Variants in SETDB1 observed in about 807,000 individuals in gnomAD.
SETDB1 encodes the protein SET domain bifurcated histone lysine methyltransferase 1, also known as histone-lysine N-methyltransferase SETDB1.
A neutral mutation model predicts 137.4 loss-of-function variants in SETDB1; 31 were observed. That is an observed-to-expected ratio of 0.23 (90% CI 0.17 to 0.30). SETDB1 has a LOEUF of 0.30. Ranked by LOEUF, SETDB1 falls within the 10% of genes least tolerant of loss-of-function variation. The pLI is 1.00. For missense variants in SETDB1, 1,113 were observed against 1,631.5 expected (o/e 0.68, Z 5.47); for synonymous variants, 548 against 579.9 (o/e 0.95, Z 0.79).
At chr1:150,962,005 AC>A in intron 16 of SETDB1, 124 bp from the exon 17 acceptor site, 1 of 1,152,046 alleles carries the variant, frequency 8.7e-7, no homozygotes, top group Non-Finnish European at 1.3e-6. Context: ...TGGTTTACCC[AC>A]CCCACTTTAG....
At position 150,964,705 on chromosome 1, in the gene SETDB1, C is replaced by T; in HGVS notation, c.*341C>T. ...CTACTATCTCCAGTTTGTATTATTT[C>T]TTGAAAGTCTTTTAACAATATGATA... On this transcript the variant is annotated 3_prime_UTR_variant, in exon 22 of 22. Coordinates refer to ENST00000692827, the MANE Select transcript of SETDB1 (RefSeq NM_001366418.1). The T allele has an allele frequency of 1.7e-6, 1 of 584,676 alleles. No homozygotes were observed. The allele number at this position is 584,676 out of a possible 1,614,324, so 36.2% of individuals were successfully genotyped here.
In SETDB1 at chr1:150,949,390, A is replaced by G; in HGVS notation, c.1448A>G (p.Gln483Arg). The change falls in exon 12 of 22, where the codon CAG (glutamine) becomes CGG (arginine). Residue 483 changes from glutamine to arginine, a missense_variant. By Grantham distance (43) the Gln-to-Arg change is conservative. Around this residue, in one of 11 missense-constraint regions of SETDB1, gnomAD observed 192 missense variants for 198.1 expected, o/e 0.97. Transcript: ENST00000692827. ...AGAAGCTTGGAAAGCCAGCTTGCCC[A>G]GTCACGGAAGCAGGTAGCCAAAAAG... The part of the protein sequence containing the change: ...DSESLESQLA[Q>R]SRKQVAKKST... The G allele has an allele frequency of 6.2e-7, 1 of 1,614,214 alleles. No homozygotes were observed. Among genetic ancestry groups the G allele is most frequent in the Non-Finnish European group, 8.5e-7 (1 of 1,180,042 alleles).
At position 150,941,474 on chromosome 1, in the gene SETDB1, A is replaced by T. The variant is rs370614956; in HGVS notation, c.547+46A>T. 3.1e-5 allele frequency: 36 copies of T among 1,179,174 alleles called. No individual in the cohort carries two copies. The African/African-American group carries it at 4.8e-4, about 16-fold the overall frequency. The allele number at this position is 1,179,174 out of a possible 1,614,324, so 73.0% of individuals were successfully genotyped here. On this transcript the variant is annotated intron_variant, in intron 5 of 21. Coordinates refer to ENST00000692827, the MANE Select transcript of SETDB1 (RefSeq NM_001366418.1). ...GGGTACAGATGGGAGGTGAATTCTT[A>T]CAGAGATTTTGTCTTAAGTCTTATG...
chr1:150,938,402 T>C (rs922296750), intron 3 of SETDB1, among the ~76,000 whole-genome samples: 1 of 152,096 alleles, frequency 6.6e-6, no homozygotes, highest in Non-Finnish European at 1.5e-5. Context: ...ATGACTGCTA[T>C]AGGTATGAGG....
Position 150,949,534 on chromosome 1 carries a change from A to C in SETDB1, c.1583+9A>C, listed in dbSNP as rs1240825680. On this transcript the variant is annotated intron_variant, in intron 12 of 21. Transcript: ENST00000692827. The stretch of plus-strand genomic sequence containing the variant: ...ATCAACCAGACATATAGGTGAGAAA[A>C]TCTGAGGCTCTCTGTAGGCAGGATA... The C allele has an allele frequency of 3.5e-5, 56 of 1,613,458 alleles. No homozygotes were observed. In the Admixed American group the frequency reaches 9.3e-4, roughly 27 times the overall value.
intron 2 of SETDB1, among the ~76,000 whole-genome samples, chr1:150,929,539 C>T (rs587598810): frequency 9.6e-4 from 145 of 151,814 alleles, no homozygotes; most frequent in African/African-American, 3.3e-3. Flanking sequence ...CCACCACACC[C>T]GGCTAATTTT....
intron 14 of SETDB1, among the ~76,000 whole-genome samples, chr1:150,952,749 TG>T (rs1670527229): frequency 6.7e-6 from 1 of 149,546 alleles, no homozygotes; most frequent in Non-Finnish European, 1.5e-5. Context: ...TAGCCGGGCA[TG>T]GTGGCGCATG....
At chr1:150,927,201 A>T (rs1400615793) in intron 1 of SETDB1, among the ~76,000 whole-genome samples, 2 of 152,128 alleles carry the variant, frequency 1.3e-5, no homozygotes, top group Non-Finnish European at 2.9e-5. Flanking sequence ...AACATAGCTC[A>T]CTACAGCAGC....
At chr1:150,928,106 A>G in intron 2 of SETDB1, 132 bp downstream of exon 2, 1 of 1,087,454 alleles carries the variant, frequency 9.2e-7, no homozygotes, top group Non-Finnish European at 1.3e-6. Context: ...CACCCAAGCT[A>G]GAGTGCAGTG....
chr1:150,954,499 T>A (rs6685771), intron 14 of SETDB1, among the ~76,000 whole-genome samples: 112 of 152,244 alleles, frequency 7.4e-4, no homozygotes, highest in African/African-American at 2.6e-3. Flanking sequence ...TGTTTCTGAA[T>A]TGAAAGGGCC....
intron 14 of SETDB1, among the ~76,000 whole-genome samples, chr1:150,958,574 CAGTGTTTAGT>C (rs957128309): frequency 2.6e-5 from 4 of 151,944 alleles, no homozygotes; most frequent in Non-Finnish European, 4.4e-5. Context: ...GTTATGTTTC[CAGTGTTTAGT>C]AGAGCTCTTG....
chr1:150,963,853 C>A, intron 20 of SETDB1, 112 bp downstream of exon 20: 1 of 1,310,726 alleles, frequency 7.6e-7, no homozygotes, highest in Non-Finnish European at 1.1e-6. Context: ...CTCAAAGGAT[C>A]TTAAAGAGGT....
chr1:150,962,255 C>T, intron 17 of SETDB1, 97 bp downstream of exon 17: 1 of 1,076,328 alleles, frequency 9.3e-7, no homozygotes, highest in South Asian at 1.3e-5. Flanking sequence ...TGCAACCTCC[C>T]CCTCCCAGGC....
chr1:150,964,468 C>T lies in SETDB1; in HGVS notation c.*104C>T. On this transcript the variant is annotated 3_prime_UTR_variant, in exon 22 of 22. Coordinates refer to ENST00000692827, the MANE Select transcript of SETDB1 (RefSeq NM_001366418.1). ...CGAAGTCTCTGGGCTAGCTACTCCC[C>T]CCAGCTCCTAGTTGATAGAAATGGG... is the stretch of plus-strand genomic sequence containing the variant. The T allele has an allele frequency of 1.2e-6, 1 of 804,288 alleles. No individual in the cohort carries two copies. Among genetic ancestry groups the T allele is most frequent in the Middle Eastern group, 2.8e-4 (1 of 3,510 alleles). The allele number at this position is 804,288 out of a possible 1,614,324, so 49.8% of individuals were successfully genotyped here.
chr1:150,937,164 C>T (rs1048138256), intron 3 of SETDB1, among the ~76,000 whole-genome samples: 12 of 149,478 alleles, frequency 8.0e-5, no homozygotes, highest in African/African-American at 3.0e-4. Context: ...TATTACCACC[C>T]AAGGGATTAT....
At chr1:150,956,648 A>G (rs1163082355) in intron 14 of SETDB1, among the ~76,000 whole-genome samples, 1 of 152,100 alleles carries the variant, frequency 6.6e-6, no homozygotes, top group African/African-American at 2.4e-5. Flanking sequence ...TGTAAAATTC[A>G]TTGATCTGTA....
At chr1:150,931,327 TGTAATCCCAGCACTTTG>T (rs1368214807) in intron 3 of SETDB1, among the ~76,000 whole-genome samples, 43 of 146,014 alleles carry the variant, frequency 2.9e-4, no homozygotes, top group African/African-American at 1.0e-3. Flanking sequence ...GGCTCACGCC[TGTAATCCCAGCACTTTG>T]GGAGGCCAAG....
intron 10 of SETDB1, among the ~76,000 whole-genome samples, chr1:150,947,316 TTTTTTC>T (rs1463388503): frequency 1.3e-5 from 2 of 152,080 alleles, no homozygotes; most frequent in Non-Finnish European, 2.9e-5. Context: ...CTATGGTTAG[TTTTTTC>T]TTTTTCTTTT....
chr1:150,953,630 A>G (rs587635809), intron 14 of SETDB1, among the ~76,000 whole-genome samples: 8 of 152,238 alleles, frequency 5.3e-5, no homozygotes, highest in African/African-American at 1.9e-4. Flanking sequence ...GGAGTTCAAG[A>G]ACAGCCTGGC....
Sources: allele counts gnomAD v4.1 joint callset (sites outside exome capture counted in the v4.1 genomes callset), GRCh38; gene constraint gnomAD v4.1.1; regional missense constraint gnomAD v4.1.1; transcripts MANE v1.5; gene names NCBI Gene and HGNC (gene_info 2026-07-23, HGNC 2026-07-21).